The following CRYL1 variants were observed in gnomAD, a reference collection of about 807,000 sequenced individuals.
The protein encoded by CRYL1 is crystallin lambda 1.
In CRYL1, 29 loss-of-function variants were observed where a neutral mutation model predicts 36.6. The ratio of observed to expected loss-of-function variants is 0.79; its 90% confidence interval spans 0.59 to 1.08. The LOEUF is 1.08. Ranked by LOEUF, CRYL1 falls within the 50% of genes least tolerant of loss-of-function variation. The pLI is 0.00. For missense variants in CRYL1, 411 were observed against 407.9 expected, an observed-to-expected ratio of 1.01 and a Z score of -0.06; for synonymous variants, 152 against 151.5, an observed-to-expected ratio of 1.00 and a Z score of -0.02.
rs2032884932 is a variant in CRYL1 at position 20,464,054 on chromosome 13, T to A, written c.277-24300A>T. Reference sequence around the variant, plus strand: ...GACATTAAAATAAATAAAACTAACATGAATAAAAAGGTGTTAATGTGTCAA... The same window carrying A: ...GACATTAAAATAAATAAAACTAACAAGAATAAAAAGGTGTTAATGTGTCAA... On this transcript the variant is annotated intron_variant, in intron 3 of 7. Coordinates refer to ENST00000298248, the MANE Select transcript of CRYL1 (RefSeq NM_015974.3). Among the ~76,000 whole-genome samples, 4 of 151,976 alleles carry A rather than the reference T, an allele frequency of 2.6e-5. No homozygotes were observed. The South Asian group carries it at 8.3e-4, about 32-fold the overall frequency.
At chr13:20,464,855 A>C (rs1351295955) in intron 3 of CRYL1, among the ~76,000 whole-genome samples, 5 of 152,218 alleles carry the variant, frequency 3.3e-5, no homozygotes, top group Non-Finnish European at 5.9e-5. Context: ...TAAAACTTTC[A>C]AGAATATAAA....
At chr13:20,442,550 C>T (rs1282327984) in intron 3 of CRYL1, among the ~76,000 whole-genome samples, 5 of 152,178 alleles carry the variant, frequency 3.3e-5, no homozygotes, top group Admixed American at 3.3e-4. Flanking sequence ...ACTGGGAGGA[C>T]AGGCAGGGAA....
intron 2 of CRYL1, among the ~76,000 whole-genome samples, chr13:20,499,569 C>T (rs187731423): frequency 6.6e-6 from 1 of 151,340 alleles, no homozygotes; most frequent in Non-Finnish European, 1.5e-5. Flanking sequence ...AGGAGAGTGG[C>T]GTGAACCCGA....
intron 5 of CRYL1, among the ~76,000 whole-genome samples, chr13:20,416,569 CT>C (rs1403510378): frequency 6.6e-6 from 1 of 152,228 alleles, no homozygotes; most frequent in Non-Finnish European, 1.5e-5. Context: ...CTCACCCTTG[CT>C]TTCCAGGCCA....
At chr13:20,429,196 C>G (rs1410446002) in intron 5 of CRYL1, among the ~76,000 whole-genome samples, 1 of 152,226 alleles carries the variant, frequency 6.6e-6, no homozygotes, top group Non-Finnish European at 1.5e-5. Flanking sequence ...AAAACATGCA[C>G]AAGCCTACTT....
chr13:20,480,524 G>A (rs997110292), intron 3 of CRYL1, among the ~76,000 whole-genome samples: 2 of 152,220 alleles, frequency 1.3e-5, no homozygotes, highest in Non-Finnish European at 2.9e-5. Context: ...AAAGCCTGTT[G>A]CCTTCTAACA....
intron 2 of CRYL1, among the ~76,000 whole-genome samples, chr13:20,496,632 C>G (rs1275667699): frequency 1.3e-5 from 2 of 151,888 alleles, no homozygotes; most frequent in African/African-American, 4.8e-5. Flanking sequence ...AGACCTGTGC[C>G]TGGTGTGGTG....
intron 5 of CRYL1, among the ~76,000 whole-genome samples, chr13:20,420,686 T>A: frequency 7.5e-6 from 1 of 133,732 alleles, no homozygotes; most frequent in Non-Finnish European, 1.6e-5. Context: ...CTTTGACTTT[T>A]CTTTAAAATA....
At chr13:20,436,670 C>A (rs1287548636) in intron 4 of CRYL1, among the ~76,000 whole-genome samples, 2 of 152,192 alleles carry the variant, frequency 1.3e-5, no homozygotes, top group African/African-American at 4.8e-5. Flanking sequence ...CCCGCCTGGC[C>A]AGCGCCTTTC....
chr13:20,420,701 T>TTTTTG, intron 5 of CRYL1, among the ~76,000 whole-genome samples: 307 of 21,872 alleles, frequency 0.014, 54 homozygotes, highest in African/African-American at 0.028. Context: ...AAAATAGAGG[T>TTTTTG]TGTGTGTGTG....
At chr13:20,420,615 G>A (rs1458074950) in intron 5 of CRYL1, among the ~76,000 whole-genome samples, 3 of 151,396 alleles carry the variant, frequency 2.0e-5, no homozygotes, top group Non-Finnish European at 4.4e-5. Flanking sequence ...AGACTAGACA[G>A]GAACAAAGGA....
chr13:20,480,297 C>G (rs529676080), intron 3 of CRYL1, among the ~76,000 whole-genome samples: 71 of 152,030 alleles, frequency 4.7e-4, no homozygotes, highest in African/African-American at 1.6e-3. Flanking sequence ...AGGAGAATCA[C>G]TTGAACCCAG....
intron 3 of CRYL1, among the ~76,000 whole-genome samples, chr13:20,440,329 C>T (rs762527742): frequency 3.3e-5 from 5 of 152,250 alleles, no homozygotes; most frequent in South Asian, 2.1e-4. Context: ...GGGCCCTCAG[C>T]CATGAAACTT....
intron 5 of CRYL1, among the ~76,000 whole-genome samples, chr13:20,416,030 G>A (rs1481588705): frequency 6.6e-6 from 1 of 152,196 alleles, no homozygotes; most frequent in East Asian, 1.9e-4. Flanking sequence ...CCGGGCCGCG[G>A]CTGGGGCCCA....
At position 20,508,575 on chromosome 13, in the gene CRYL1, A is replaced by ACG. The variant is rs1310797833; in HGVS notation, c.149+3867_149+3868insCG. Among the ~76,000 whole-genome samples, 498 of 152,224 alleles carry ACG rather than the reference A, an allele frequency of 3.3e-3. 2 individuals are homozygous for ACG. Among genetic ancestry groups the ACG allele is most frequent in the African/African-American group, 0.012 (482 of 41,542 alleles). ...TTTAAAAACATTTTGGGCTGGGTGCAGTGGCTCACGCCTGTAATCCCAGCA... is the reference window on the plus strand; with the variant it reads ...TTTAAAAACATTTTGGGCTGGGTGCACGGTGGCTCACGCCTGTAATCCCAGCA... On this transcript the variant is annotated intron_variant, in intron 2 of 7. Coordinates refer to ENST00000298248, the MANE Select transcript of CRYL1 (RefSeq NM_015974.3).
intron 1 of CRYL1, chr13:20,513,394 C>T (rs55642774): frequency 0.061 from 9,303 of 152,476 alleles, 411 homozygotes; most frequent in Non-Finnish European, 0.086. Flanking sequence ...GCCACTGCCA[C>T]CCACATTTCA....
In CRYL1 at chr13:20,489,468, C is replaced by G. The variant is rs773650918; in HGVS notation, c.178G>C (p.Gly60Arg). The G allele has an allele frequency of 5.6e-6, 9 of 1,613,448 alleles. No individual in the cohort carries two copies. In the Admixed American group the frequency reaches 6.7e-5, roughly 12 times the overall value. The change falls in exon 3 of 8, where the codon GGT becomes CGT. Residue 60 changes from glycine to arginine, a missense_variant. By Grantham distance (125) the Gly-to-Arg change is moderately radical. Transcript: ENST00000298248. ...RKEMKLLEQAGSLKGSLSVEE... is the reference protein window; with the variant it reads ...RKEMKLLEQARSLKGSLSVEE... Reference sequence around the variant, plus strand: ...ACACTCAGGGAGCCTTTCAGAGAACCTGCCTGCTCCAGCAACTTCATCTCC... The same window carrying G: ...ACACTCAGGGAGCCTTTCAGAGAACGTGCCTGCTCCAGCAACTTCATCTCC...
At chr13:20,469,445 T>A (rs1229236310) in intron 3 of CRYL1, among the ~76,000 whole-genome samples, 1 of 152,226 alleles carries the variant, frequency 6.6e-6, no homozygotes, top group Non-Finnish European at 1.5e-5. Context: ...GCATATACTT[T>A]ATCATATTTA....
At chr13:20,430,202 A>T in intron 5 of CRYL1, 2 of 984,754 alleles carry the variant, frequency 2.0e-6, no homozygotes, top group South Asian at 4.7e-5. Context: ...GAAACAAATT[A>T]TCTTCTAGAC....
Sources: allele counts gnomAD v4.1 joint callset (sites outside exome capture counted in the v4.1 genomes callset), GRCh38; gene constraint gnomAD v4.1.1; transcripts MANE v1.5; gene names NCBI Gene and HGNC (gene_info 2026-07-23, HGNC 2026-07-21).